TRPV4: variants seen among roughly 807,000 people sequenced by gnomAD.
TRPV4 encodes OSM9-like transient receptor potential channel 4.
TRPV4 carries 58 observed loss-of-function variants against 84.1 expected under a neutral mutation model. The observed-to-expected ratio is 0.69, with a 90% CI of 0.56 to 0.86. TRPV4 has a LOEUF of 0.86. TRPV4 is among the 40% of genes least tolerant of loss of function. The pLI is 0.00. For synonymous variants in TRPV4, 489 were observed against 500.9 expected (o/e 0.98, Z 0.32); for missense variants, 879 against 1,181.1 (o/e 0.74, Z 3.75).
Position 109,808,285 on chromosome 12 carries a change from G to T in TRPV4, c.559+11C>A. The T allele has an allele frequency of 6.2e-7, 1 of 1,613,990 alleles. No homozygotes were observed. Among genetic ancestry groups the T allele is most frequent in the Non-Finnish European group, 8.5e-7 (1 of 1,179,980 alleles). ...GCTGTCCCACTGGCTATGCCCATCT[G>T]GGTGGCTCACCTCGAAACTCCTCAT... is the stretch of plus-strand genomic sequence containing the variant. On this transcript the variant is annotated intron_variant, in intron 3 of 15. Coordinates refer to ENST00000261740, the MANE Select transcript of TRPV4 (RefSeq NM_021625.5).
At chr12:109,821,458 G>A (rs921246076) in intron 1 of TRPV4, among the ~76,000 whole-genome samples, 2 of 152,124 alleles carry the variant, frequency 1.3e-5, no homozygotes, top group Non-Finnish European at 2.9e-5. Context: ...AAGCCCTCCT[G>A]TTTCCCCTGC....
chr12:109,785,775 G>A (rs924997204), intron 14 of TRPV4, among the ~76,000 whole-genome samples: 1 of 151,444 alleles, frequency 6.6e-6, no homozygotes, highest in African/African-American at 2.4e-5. Context: ...GCTCACGCCT[G>A]TAATCCCAGC....
At position 109,792,730 on chromosome 12, in the gene TRPV4, C is replaced by G. The variant is rs1165773272; in HGVS notation, c.1746G>C (p.Leu582=). Residue 582 remains leucine (L), a synonymous_variant, in exon 11 of 16, where the codon CTG becomes CTC. Transcript: ENST00000261740. ...EAYLAVMVFA[L]VLGWMNALYF... Reference sequence around the variant, plus strand: ...AAAGGGCATTCATCCAGCCCAGGACCAGGGCAAAGACCATCACGGCCAGGT... The same window carrying G: ...AAAGGGCATTCATCCAGCCCAGGACGAGGGCAAAGACCATCACGGCCAGGT... The G allele has an allele frequency of 6.2e-7, 1 of 1,614,138 alleles. No homozygotes were observed. The highest frequency in any genetic ancestry group is 8.5e-7 in the Non-Finnish European group (1 of 1,180,030).
chr12:109,815,515 A>G lies in TRPV4; in HGVS notation c.-31-688T>C, dbSNP rs980774326. ...ACTTGAGTTGACTTCCCCAGTGCAC[A>G]AACTCTGCTCCCCAGTGCAAAGTGC... On this transcript the variant is annotated intron_variant, in intron 1 of 15. Coordinates refer to ENST00000261740, the MANE Select transcript of TRPV4 (RefSeq NM_021625.5). This position sits in a 1 kb window ranked among gnomAD's most constrained non-coding sequence, Gnocchi z 4.1. Among the ~76,000 whole-genome samples the G allele has an allele frequency of 6.6e-6, 1 of 152,206 alleles. No homozygotes were observed. The highest frequency in any genetic ancestry group is 1.5e-5 in the Non-Finnish European group (1 of 68,040).
rs774779620 is a variant in TRPV4 at position 109,798,691 on chromosome 12, C to T, written c.1075G>A (p.Asp359Asn). 9.3e-6 allele frequency: 15 copies of T among 1,613,862 alleles called. No individual in the cohort carries two copies. Among genetic ancestry groups the T allele is most frequent in the Non-Finnish European group, 1.2e-5 (14 of 1,180,024 alleles). Residue 359 changes from aspartate (D) to asparagine (N), a missense_variant, in exon 6 of 16, where the codon GAC becomes AAC. This residue lies in a region of TRPV4 where 521 missense variants were observed against 686.6 expected (regional missense o/e 0.76). Coordinates refer to ENST00000261740, the MANE Select transcript of TRPV4 (RefSeq NM_021625.5). This position sits in a 1 kb window ranked among gnomAD's most constrained non-coding sequence, Gnocchi z 5.0. ...LLLKCARLFP[D>N]SNLEAVLNND... ...TTGAGCACGGCCTCCAGGTTGCTGT[C>T]GGGGAAGAGGCGGGCACACTTGAGC...
Position 109,814,673 on chromosome 12 carries a change from C to T in TRPV4, c.124G>A (p.Gly42Arg). Residue 42 changes from glycine (G) to arginine (R), a missense_variant, in exon 2 of 16, where the codon GGG becomes AGG. By Grantham distance (125) the Gly-to-Arg change is moderately radical. Coordinates refer to ENST00000261740, the MANE Select transcript of TRPV4 (RefSeq NM_021625.5). The surrounding 1 kb of genome is among the most constrained non-coding windows in gnomAD (Gnocchi z 5.4). ...GAGGGCGAAAGGGAGCCATCCTCCC[C>T]CTCAAACAGATTGGCCAGGGAGGAG... ...PLSSLANLFEGEDGSLSPSPA... is the reference protein window; with the variant it reads ...PLSSLANLFEREDGSLSPSPA... 1 of 1,612,918 alleles carries T rather than the reference C, an allele frequency of 6.2e-7. No homozygotes were observed. The highest frequency in any genetic ancestry group is 2.2e-5 in the East Asian group (1 of 44,830).
intron 1 of TRPV4, among the ~76,000 whole-genome samples, chr12:109,828,385 G>A (rs1892324721): frequency 6.6e-6 from 1 of 152,180 alleles, no homozygotes; most frequent in African/African-American, 2.4e-5. Context: ...GGCTAGGGGT[G>A]GGAAGGAAGT....
chr12:109,820,037 T>C (rs1299877397), intron 1 of TRPV4, among the ~76,000 whole-genome samples: 1 of 152,192 alleles, frequency 6.6e-6, no homozygotes, highest in East Asian at 1.9e-4. Flanking sequence ...GGGGCAGCAG[T>C]AGAAGCCAGC....
intron 6 of TRPV4, among the ~76,000 whole-genome samples, chr12:109,797,782 C>A (rs1328333994): frequency 6.6e-6 from 1 of 152,210 alleles, no homozygotes; most frequent in African/African-American, 2.4e-5. Flanking sequence ...AGCCTCCCAA[C>A]TAGCTGGCAT....
intron 3 of TRPV4, among the ~76,000 whole-genome samples, chr12:109,806,755 C>T (rs1047810616): frequency 8.0e-5 from 12 of 150,326 alleles, no homozygotes; most frequent in Non-Finnish European, 1.3e-4. Context: ...CAACTACTCT[C>T]GAGGCCGAAG....
intron 1 of TRPV4, among the ~76,000 whole-genome samples, chr12:109,820,581 T>C (rs897318426): frequency 7.0e-6 from 1 of 141,868 alleles, no homozygotes; most frequent in Non-Finnish European, 1.5e-5. Context: ...TGGAGTGCAG[T>C]GGCGCATCTC....
intron 12 of TRPV4, among the ~76,000 whole-genome samples, chr12:109,791,068 G>A (rs1889995625): frequency 6.6e-6 from 1 of 152,206 alleles, no homozygotes; most frequent in Non-Finnish European, 1.5e-5. Flanking sequence ...CAGCCACCCA[G>A]CTGACCCATT....
chr12:109,814,768 G>C lies in TRPV4; in HGVS notation c.29C>G (p.Ala10Gly). MADSSEGPR[A>G]GPGEVAELPG... ...GAGCTCAGCCACCTCCCCGGGCCCC[G>C]CGCGGGGGCCTTCGCTGGAATCCGC... The change falls in exon 2 of 16, where the codon GCG (alanine) becomes GGG (glycine). Residue 10 changes from alanine to glycine, a missense_variant. Ala to Gly is a moderately conservative substitution (Grantham distance 60). This residue lies in a region of TRPV4 where 107 missense variants were observed against 99.4 expected (regional missense o/e 1.08). Coordinates refer to ENST00000261740, the MANE Select transcript of TRPV4 (RefSeq NM_021625.5). This position sits in a 1 kb window ranked among gnomAD's most constrained non-coding sequence, Gnocchi z 5.4. The C allele has an allele frequency of 6.4e-7, 1 of 1,554,424 alleles. No homozygotes were observed. Among genetic ancestry groups the C allele is most frequent in the Non-Finnish European group, 8.7e-7 (1 of 1,152,506 alleles).
At chr12:109,807,868 G>T (rs899099989) in intron 3 of TRPV4, among the ~76,000 whole-genome samples, 18 of 152,242 alleles carry the variant, frequency 1.2e-4, no homozygotes, top group Admixed American at 7.8e-4. Flanking sequence ...TCCCTCAGGG[G>T]AGCAGGAGCT....
At chr12:109,802,604 C>CTTTTA (rs199835450) in intron 4 of TRPV4, among the ~76,000 whole-genome samples, 2,645 of 104,876 alleles carry the variant, frequency 0.025, 45 homozygotes, top group South Asian at 0.075. Context: ...ACCTGGCCTT[C>CTTTTA]TTTTATTTTA....
In TRPV4 at chr12:109,798,756, T is replaced by G; in HGVS notation, c.1010A>C (p.Glu337Ala). 3 of 1,614,180 alleles carry G rather than the reference T, an allele frequency of 1.9e-6. No homozygotes were observed. The change falls in exon 6 of 16, where the codon GAG (glutamate) becomes GCG (alanine). Residue 337 changes from glutamate to alanine, a missense_variant. Coordinates refer to ENST00000261740, the MANE Select transcript of TRPV4 (RefSeq NM_021625.5). The surrounding 1 kb of genome is among the most constrained non-coding windows in gnomAD (Gnocchi z 5.0). ...CATCTTGGTAACAAACTTGGTGTTC[T>G]CACGGGTGTTGTCAGCAATGGCCAC... ...ALVAIADNTRENTKFVTKMYD... is the reference protein window; with the variant it reads ...ALVAIADNTRANTKFVTKMYD...
At chr12:109,827,110 G>A (rs548861207) in intron 1 of TRPV4, among the ~76,000 whole-genome samples, 3 of 152,184 alleles carry the variant, frequency 2.0e-5, no homozygotes, top group African/African-American at 7.2e-5. Context: ...TCTCCAAAGC[G>A]AACCTCTGCC....
At chr12:109,800,838 A>C in intron 4 of TRPV4, 80 bp from the exon 5 acceptor site, 1 of 628,002 alleles carries the variant, frequency 1.6e-6, no homozygotes, top group Non-Finnish European at 2.4e-6. Context: ...GGTAGGGTGC[A>C]GGACGTAGAA....
intron 7 of TRPV4, among the ~76,000 whole-genome samples, chr12:109,795,640 G>A (rs1471745403): frequency 6.6e-6 from 1 of 152,154 alleles, no homozygotes; most frequent in East Asian, 1.9e-4. Flanking sequence ...TTTGAATATG[G>A]TATGTTTACA....
Sources: gnomAD v4.1 joint callset for allele counts (sites outside exome capture counted in the v4.1 genomes callset) on GRCh38, gnomAD v4.1.1 for gene constraint, gnomAD v4.1.1 regional missense constraint, Gnocchi (gnomAD v3.1) non-coding constraint, MANE v1.5 for transcripts, NCBI Gene and HGNC (gene_info 2026-07-23, HGNC 2026-07-21) for gene names.